GLS: variants seen among roughly 807,000 people sequenced by gnomAD.
The protein encoded by GLS is glutaminase, also known as glutaminase kidney isoform, mitochondrial.
Under a neutral mutation model 86.7 loss-of-function variants are expected in GLS, and 36 were observed. The observed-to-expected ratio is 0.42, with a 90% CI of 0.32 to 0.55. The LOEUF is 0.55. GLS is among the 20% of genes least tolerant of loss of function. The pLI is 0.17. For missense variants in GLS, 528 were observed against 833.4 expected (o/e 0.63, Z 4.51); for synonymous variants, 317 against 305.9 (o/e 1.04, Z -0.38).
chr2:190,930,321 G>C lies in GLS; in HGVS notation c.1426-116G>C. 1 of 741,932 alleles carries C rather than the reference G, an allele frequency of 1.3e-6. No individual in the cohort carries two copies. Among genetic ancestry groups the C allele is most frequent in the Non-Finnish European group, 2.3e-6 (1 of 438,948 alleles). 46.0% of individuals were successfully genotyped at this position (741,932 alleles called of 1,614,324 possible). A position where few individuals can be genotyped will look rare whatever the true frequency, so the allele number is the denominator to read the frequency against. On this transcript the variant is annotated intron_variant, in intron 12 of 17. Transcript: ENST00000320717. The surrounding 1 kb of genome is among the most constrained non-coding windows in gnomAD (Gnocchi z 5.0). ...GATCTGCTTGCCTTGGCCTCCCAAA[G>C]TGCTGAGATTACAGGAGTGAGCCAT...
chr2:190,939,383 C>G (rs189874885), intron 14 of GLS, among the ~76,000 whole-genome samples: 26 of 151,738 alleles, frequency 1.7e-4, no homozygotes, highest in Admixed American at 1.3e-3. Flanking sequence ...GTATTGGTTT[C>G]TTAATTCTGA....
chr2:190,882,600 A>G (rs959336760), intron 1 of GLS, among the ~76,000 whole-genome samples: 1 of 152,210 alleles, frequency 6.6e-6, no homozygotes, highest in African/African-American at 2.4e-5. Context: ...TTATAATTTC[A>G]ATCTCACGCC....
intron 5 of GLS, among the ~76,000 whole-genome samples, chr2:190,903,518 A>G (rs977238736): frequency 6.6e-5 from 10 of 152,322 alleles, no homozygotes; most frequent in Middle Eastern, 3.4e-3. Context: ...CCGGTAGGGA[A>G]TGGTATTCCT....
At chr2:190,890,891 A>G (rs1414851315) in intron 1 of GLS, among the ~76,000 whole-genome samples, 1 of 152,106 alleles carries the variant, frequency 6.6e-6, no homozygotes, top group Non-Finnish European at 1.5e-5. Context: ...TGCGAAAAAA[A>G]AAATAAGAAA....
chr2:190,913,262 GA>G lies in GLS; in HGVS notation c.1038+2947del. On this transcript the variant is annotated intron_variant, in intron 7 of 17. Transcript: ENST00000320717. This position sits in a 1 kb window ranked among gnomAD's most constrained non-coding sequence, Gnocchi z 6.1. ...TGTTCAAAAGGATTAGCAGATTGTG[GA>G]AAAAAGGAGAATTTGGACAGAAGGA... is the stretch of plus-strand genomic sequence containing the variant. 7.7e-7 allele frequency: 1 copy of G among 1,298,578 alleles called. No individual in the cohort carries two copies. Among genetic ancestry groups the G allele is most frequent in the Non-Finnish European group, 1.0e-6 (1 of 987,132 alleles). The allele number at this position is 1,298,578 out of a possible 1,614,324, so 80.4% of individuals were successfully genotyped here. A position where few individuals can be genotyped will look rare whatever the true frequency, so the allele number is the denominator to read the frequency against.
At chr2:190,888,966 TGTTA>T (rs1688479557) in intron 1 of GLS, among the ~76,000 whole-genome samples, 1 of 152,260 alleles carries the variant, frequency 6.6e-6, no homozygotes, top group South Asian at 2.1e-4. Context: ...TAAATACTTC[TGTTA>T]GTTTTAGAAC....
chr2:190,929,215 G>A (rs13414554), intron 12 of GLS, among the ~76,000 whole-genome samples: 32,732 of 150,726 alleles, frequency 0.22, 3,898 homozygotes, highest in East Asian at 0.46. Context: ...AATTTTTTGA[G>A]GAGGAGTAAT....
intron 12 of GLS, among the ~76,000 whole-genome samples, chr2:190,927,912 T>G (rs1689952601): frequency 6.6e-6 from 1 of 152,210 alleles, no homozygotes; most frequent in African/African-American, 2.4e-5. Context: ...ATGTACTGCT[T>G]TAAGCTCTGT....
chr2:190,919,693 A>T, intron 7 of GLS: 1 of 824,936 alleles, frequency 1.2e-6, no homozygotes, highest in Non-Finnish European at 1.5e-6. Context: ...TTCTTCTTTT[A>T]ATTATTTTTC....
Position 190,880,974 on chromosome 2 carries a change from T to G in GLS, c.-111T>G. ...GAACCACACCCAAGTAGCTGCCCTT[T>G]CCTCTTCTGTCATCTCACCGCCCCA... On this transcript the variant is annotated 5_prime_UTR_variant, in exon 1 of 18. Coordinates refer to ENST00000320717, the MANE Select transcript of GLS (RefSeq NM_014905.5). 1 of 1,265,828 alleles carries G rather than the reference T, an allele frequency of 7.9e-7. No individual in the cohort carries two copies. The highest frequency in any genetic ancestry group is 1.1e-6 in the Non-Finnish European group (1 of 912,050). The allele number at this position is 1,265,828 out of a possible 1,614,324, so 78.4% of individuals were successfully genotyped here.
Position 190,907,166 on chromosome 2 carries a change from T to C in GLS, c.979+1999T>C, listed in dbSNP as rs575176937. Among the ~76,000 whole-genome samples, 808 of 152,114 alleles carry C rather than the reference T, an allele frequency of 5.3e-3. 8 individuals carry two copies. The highest frequency in any genetic ancestry group is 0.018 in the African/African-American group (765 of 41,496). The stretch of plus-strand genomic sequence containing the variant: ...GTCTCGATCTCCTGACCTCGTGATC[T>C]GCCCGCCTCGGCCTCCCAAAGTGCT... On this transcript the variant is annotated intron_variant, in intron 6 of 17. Transcript: ENST00000320717.
chr2:190,882,224 A>G lies in GLS; in HGVS notation c.386+754A>G, dbSNP rs1305326726. 4.6e-5 allele frequency among the ~76,000 whole-genome samples: 7 copies of G among 152,330 alleles called. No homozygotes were observed. The East Asian group carries it at 1.4e-3, about 29-fold the overall frequency. On this transcript the variant is annotated intron_variant, in intron 1 of 17. Coordinates refer to ENST00000320717, the MANE Select transcript of GLS (RefSeq NM_014905.5). The stretch of plus-strand genomic sequence containing the variant: ...TTTTAGAAATAAAAGTTAAATAGCC[A>G]AGATGAAATGTGACGTAATACACTA...
chr2:190,954,161 T>TC lies in GLS; in HGVS notation c.1713-416dup, dbSNP rs1192566733. On this transcript the variant is annotated intron_variant, in intron 15 of 17. Coordinates refer to ENST00000320717, the MANE Select transcript of GLS (RefSeq NM_014905.5). This position sits in a 1 kb window ranked among gnomAD's most constrained non-coding sequence, Gnocchi z 4.0. ...TTCAAAGTGGAAAAATGTCTGTGCT[T>TC]CCCCCCCTTGTTTTGAAGTCTGACA... Among the ~76,000 whole-genome samples, 1 of 151,828 alleles carries TC rather than the reference T, an allele frequency of 6.6e-6. No homozygotes were observed.
intron 11 of GLS, 110 bp from the exon 12 acceptor site, chr2:190,927,196 T>A (rs951109163): frequency 1.2e-6 from 1 of 868,302 alleles, no homozygotes. Context: ...AGTAATCTCT[T>A]TGGAAGAAAT....
intron 7 of GLS, 51 bp downstream of exon 7, chr2:190,910,372 A>G (rs1689313887): frequency 1.1e-6 from 1 of 873,898 alleles, no homozygotes; most frequent in Non-Finnish European, 1.9e-6. Context: ...TTTTTTTAAC[A>G]GCTAAGGCAT....
intron 3 of GLS, among the ~76,000 whole-genome samples, chr2:190,900,324 T>G (rs1383996677): frequency 3.3e-5 from 5 of 152,178 alleles, no homozygotes; most frequent in Non-Finnish European, 7.4e-5. Flanking sequence ...CTTGTCTTAA[T>G]TTGTGACACA....
Position 190,953,685 on chromosome 2 carries a change from G to T in GLS, c.1712+59G>T. On this transcript the variant is annotated intron_variant, in intron 15 of 17. Coordinates refer to ENST00000320717, the MANE Select transcript of GLS (RefSeq NM_014905.5). This position sits in a 1 kb window ranked among gnomAD's most constrained non-coding sequence, Gnocchi z 4.0. The stretch of plus-strand genomic sequence containing the variant: ...CAGATATTTATGAAGTTGCTTCTGG[G>T]CGAGCAGCCATTTTAAGGTTAAAGT... The T allele has an allele frequency of 8.7e-7, 1 of 1,154,272 alleles. No homozygotes were observed. The highest frequency in any genetic ancestry group is 1.3e-6 in the Non-Finnish European group (1 of 774,042). The allele number at this position is 1,154,272 out of a possible 1,614,324, so 71.5% of individuals were successfully genotyped here. A position where few individuals can be genotyped will look rare whatever the true frequency, so the allele number is the denominator to read the frequency against.
intron 7 of GLS, among the ~76,000 whole-genome samples, chr2:190,911,497 G>A (rs1348489235): frequency 2.0e-5 from 3 of 152,076 alleles, no homozygotes; most frequent in Admixed American, 1.3e-4. Context: ...AATTGTAATA[G>A]GATATGGAGA....
chr2:190,904,993 C>G lies in GLS; in HGVS notation c.816-11C>G. On this transcript the variant is annotated splice_polypyrimidine_tract_variant and intron_variant, in intron 5 of 17. Coordinates refer to ENST00000320717, the MANE Select transcript of GLS (RefSeq NM_014905.5). ...GTTGATGTTATTTTTTAAAAATCTCCTTTTAAATAGGCATTCTACTGGAGA... is the reference window on the plus strand; with the variant it reads ...GTTGATGTTATTTTTTAAAAATCTCGTTTTAAATAGGCATTCTACTGGAGA... 6.6e-7 allele frequency: 1 copy of G among 1,507,754 alleles called. No homozygotes were observed. Among genetic ancestry groups the G allele is most frequent in the South Asian group, 1.2e-5 (1 of 85,640 alleles). The allele number at this position is 1,507,754 out of a possible 1,614,324, so 93.4% of individuals were successfully genotyped here.
Sources: gnomAD v4.1 joint callset for allele counts (sites outside exome capture counted in the v4.1 genomes callset) on GRCh38, gnomAD v4.1.1 for gene constraint, Gnocchi (gnomAD v3.1) non-coding constraint, MANE v1.5 for transcripts, NCBI Gene and HGNC (gene_info 2026-07-23, HGNC 2026-07-21) for gene names.